Variants in CRHR2 observed in about 807,000 individuals in gnomAD.
CRHR2 encodes corticotropin releasing hormone receptor 2.
In CRHR2, 53 loss-of-function variants were observed where a neutral mutation model predicts 57.9. The observed-to-expected ratio is 0.92, with a 90% CI of 0.73 to 1.15. The LOEUF (loss-of-function observed/expected upper bound fraction) is 1.15, where lower values mean the gene tolerates loss of function less well. Ranked by LOEUF, CRHR2 falls within the 50% of genes most tolerant of loss-of-function variation. The pLI is 0.00. For synonymous variants in CRHR2, 213 were observed against 220.9 expected (o/e 0.96, Z 0.32); for missense variants, 532 against 542.6 (o/e 0.98, Z 0.19).
chr7:30,654,995 A>G, intron 11 of CRHR2, 44 bp downstream of exon 11: 3 of 1,604,564 alleles, frequency 1.9e-6, no homozygotes, highest in Middle Eastern at 1.7e-4. Context: ...GTGGGGTCTG[A>G]GGACCTGGAT....
chr7:30,656,864 G>C lies in CRHR2; in HGVS notation c.832-852C>G, dbSNP rs975288285. ...CTATCCTTTAAGCACTTGTGCAAGT[G>C]TGTTTGCCTCACAGAGCGTGTGCAT... On this transcript the variant is annotated intron_variant, in intron 8 of 11. Coordinates refer to ENST00000471646, the MANE Select transcript of CRHR2 (RefSeq NM_001883.5). This position sits in a 1 kb window ranked among gnomAD's most constrained non-coding sequence, Gnocchi z 4.4. Among the ~76,000 whole-genome samples, 2 of 152,206 alleles carry C rather than the reference G, an allele frequency of 1.3e-5. No homozygotes were observed. The highest frequency in any genetic ancestry group is 4.8e-5 in the African/African-American group (2 of 41,446).
intron 1 of CRHR2, chr7:30,699,661 C>T (rs767008234): frequency 1.6e-4 from 41 of 259,858 alleles, no homozygotes; most frequent in Non-Finnish European, 2.7e-4. Flanking sequence ...GTCTCCCAGT[C>T]TCATCCTGGC....
At chr7:30,663,664 C>T (rs1335839534) in intron 5 of CRHR2, among the ~76,000 whole-genome samples, 3 of 152,226 alleles carry the variant, frequency 2.0e-5, no homozygotes, top group African/African-American at 4.8e-5. Flanking sequence ...AGGGGAAGAC[C>T]CTGCCCCTTT....
At chr7:30,689,222 G>T (rs1420793745) in exon 2 of CRHR2, 1 of 1,550,430 alleles carries the variant, frequency 6.4e-7, no homozygotes, top group South Asian at 1.2e-5. Context: ...TGATGGTGTG[G>T]CAGTACTGCT....
At chr7:30,678,291 C>T (rs1472887101) in intron 2 of CRHR2, among the ~76,000 whole-genome samples, 1 of 152,254 alleles carries the variant, frequency 6.6e-6, no homozygotes, top group Admixed American at 6.5e-5. Context: ...CTCCACACCT[C>T]AGTTTCCCCA....
At chr7:30,682,485 G>T, upstream of CRHR2, 1 of 1,322,778 alleles carries the variant, frequency 7.6e-7, no homozygotes, top group South Asian at 2.0e-5. Context: ...GAGCCGCCGA[G>T]TGCACGGAGC....
At chr7:30,697,345 G>T (rs1025879172) in intron 1 of CRHR2, among the ~76,000 whole-genome samples, 1 of 152,178 alleles carries the variant, frequency 6.6e-6, no homozygotes, top group South Asian at 2.1e-4. Context: ...GTCAGCAGGG[G>T]CTGAGAGGCT....
chr7:30,669,334 A>T (rs927506609), intron 2 of CRHR2, among the ~76,000 whole-genome samples: 1 of 152,008 alleles, frequency 6.6e-6, no homozygotes, highest in East Asian at 1.9e-4. Flanking sequence ...CCCTTGCCCC[A>T]TGACCAGCCT....
intron 1 of CRHR2, among the ~76,000 whole-genome samples, chr7:30,692,431 T>C (rs928141923): frequency 6.6e-6 from 1 of 152,124 alleles, no homozygotes; most frequent in Non-Finnish European, 1.5e-5. Flanking sequence ...AGCTCGCCCC[T>C]CAGCGGTGCT....
At chr7:30,691,215 G>A (rs559250816) in intron 1 of CRHR2, among the ~76,000 whole-genome samples, 1 of 152,198 alleles carries the variant, frequency 6.6e-6, no homozygotes, top group African/African-American at 2.4e-5. Flanking sequence ...TCTTTATGGC[G>A]CCCATCGCCC....
At chr7:30,684,776 C>T (rs1015825874), upstream of CRHR2, among the ~76,000 whole-genome samples, 1 of 152,156 alleles carries the variant, frequency 6.6e-6, no homozygotes, top group Non-Finnish European at 1.5e-5. Flanking sequence ...GAAAAGGTAG[C>T]AGTTTGGGAA....
rs38027 is a variant in CRHR2, at chr7:30,653,989, C to T, written c.1096-389G>A. ...CTCCTTGCAGGGCGTTGGTGGTGTGCGCCCAGCTCACACACCTGGTGCGCC... is the reference window on the plus strand; with the variant it reads ...CTCCTTGCAGGGCGTTGGTGGTGTGTGCCCAGCTCACACACCTGGTGCGCC... On this transcript the variant is annotated intron_variant, in intron 11 of 11. Transcript: ENST00000471646. This position sits in a 1 kb window ranked among gnomAD's most constrained non-coding sequence, Gnocchi z 5.0. Among the ~76,000 whole-genome samples, 884 of 152,134 alleles carry T rather than the reference C, an allele frequency of 5.8e-3. 4 individuals are homozygous for T. The highest frequency in any genetic ancestry group is 9.5e-3 in the Non-Finnish European group (647 of 67,968).
At chr7:30,689,387 T>C in intron 1 of CRHR2, 1 of 940,918 alleles carries the variant, frequency 1.1e-6, no homozygotes, top group Non-Finnish European at 1.7e-6. Context: ...TTACTCCTCT[T>C]AGTACAGAGA....
At chr7:30,671,108 C>T (rs62446871) in intron 2 of CRHR2, among the ~76,000 whole-genome samples, 12,434 of 152,228 alleles carry the variant, frequency 0.082, 574 homozygotes, top group Admixed American at 0.12. Context: ...CTCTAGATAG[C>T]TAGGTGACCA....
chr7:30,684,695 G>T (rs1054680458), upstream of CRHR2, among the ~76,000 whole-genome samples: 2 of 152,194 alleles, frequency 1.3e-5, no homozygotes, highest in African/African-American at 2.4e-5. Context: ...CCCTGGATGT[G>T]GGGCCATTTC....
At chr7:30,678,491 G>GTCCCT (rs1451406118) in intron 2 of CRHR2, among the ~76,000 whole-genome samples, 1 of 152,190 alleles carries the variant, frequency 6.6e-6, no homozygotes, top group Non-Finnish European at 1.5e-5. Context: ...CCATGCGCTA[G>GTCCCT]TCCCTTCCCT....
rs1379668012 is a variant in CRHR2, at chr7:30,665,294, C to T, written c.426-107G>A. 4.1e-6 allele frequency: 4 copies of T among 977,230 alleles called. No homozygotes were observed. The African/African-American group carries it at 4.8e-5, about 12-fold the overall frequency. The allele number at this position is 977,230 out of a possible 1,614,324, so 60.5% of individuals were successfully genotyped here. A position where few individuals can be genotyped will look rare whatever the true frequency, so the allele number is the denominator to read the frequency against. ...AGCCTGGGATGAGGGCAGGGCTGCA[C>T]TAGGAGCCACTTCCCACCCATGGTG... On this transcript the variant is annotated intron_variant, in intron 4 of 11. Transcript: ENST00000471646. The surrounding 1 kb of genome is among the most constrained non-coding windows in gnomAD (Gnocchi z 4.5).
chr7:30,681,799 G>A (rs1784715834), intron 2 of CRHR2, 116 bp downstream of exon 2: 7 of 1,415,258 alleles, frequency 4.9e-6, no homozygotes, highest in Non-Finnish European at 6.5e-6. Flanking sequence ...CCCGCGGTCC[G>A]CGGTACCGCG....
chr7:30,669,569 T>G (rs1223956592), intron 2 of CRHR2, among the ~76,000 whole-genome samples: 2 of 152,054 alleles, frequency 1.3e-5, no homozygotes, highest in Non-Finnish European at 2.9e-5. Flanking sequence ...GGATTCTGTC[T>G]CCTCCTTTTC....
Sources: gnomAD v4.1 joint callset for allele counts (sites outside exome capture counted in the v4.1 genomes callset) on GRCh38, gnomAD v4.1.1 for gene constraint, Gnocchi (gnomAD v3.1) non-coding constraint, MANE v1.5 for transcripts, NCBI Gene and HGNC (gene_info 2026-07-23, HGNC 2026-07-21) for gene names.